Variants in NLRP13 observed in about 807,000 individuals in gnomAD.
NLRP13 encodes the protein NACHT, LRR and PYD domains-containing protein 13.
Under a neutral mutation model 94.4 loss-of-function variants are expected in NLRP13, and 82 were observed. The ratio of observed to expected loss-of-function variants is 0.87; its 90% CI spans 0.73 to 1.04. The LOEUF (loss-of-function observed/expected upper bound fraction) is 1.04, where lower values mean the gene tolerates loss of function less well. Among genes scored for constraint, NLRP13 ranks in the 50% least tolerant of loss-of-function variants. The pLI is 0.00. For missense variants in NLRP13, 1,426 were observed against 1,230.8 expected (o/e 1.16, Z -2.37); for synonymous variants, 553 against 464.7 (o/e 1.19, Z -2.45).
intron 7 of NLRP13, 78 bp from the exon 8 acceptor site, chr19:55,905,190 C>T (rs1568690074): frequency 7.0e-7 from 1 of 1,429,264 alleles, no homozygotes; most frequent in Non-Finnish European, 9.7e-7. Context: ...AACCCCTTAA[C>T]CCCCGAGACC....
chr19:55,917,903 G>A (rs118021988), intron 4 of NLRP13, among the ~76,000 whole-genome samples: 1,842 of 152,078 alleles, frequency 0.012, 14 homozygotes, highest in Non-Finnish European at 0.019. Flanking sequence ...TTGGACTTTA[G>A]ACCAAATGAA....
At chr19:55,898,202 TTTTGTTTTTG>T (rs1181211945) in intron 10 of NLRP13, among the ~76,000 whole-genome samples, 7 of 44,092 alleles carry the variant, frequency 1.6e-4, no homozygotes, top group Admixed American at 3.7e-4. Context: ...GAGTTTTTGT[TTTTGTTTTTG>T]TTTTTTTTTT....
intron 10 of NLRP13, 28 bp from the exon 11 acceptor site, chr19:55,896,147 C>A (rs1986002668): frequency 1.2e-6 from 2 of 1,609,342 alleles, no homozygotes; most frequent in East Asian, 2.2e-5. Flanking sequence ...GAAAGCACAA[C>A]AGATAGTCCT....
At chr19:55,905,176 T>C (rs1986300699) in intron 7 of NLRP13, 64 bp from the exon 8 acceptor site, 1 of 1,562,194 alleles carries the variant, frequency 6.4e-7, no homozygotes, top group Admixed American at 1.7e-5. Context: ...TACCTTTCTC[T>C]CTCAACCCCT....
At chr19:55,928,336 A>G (rs1331802944) in intron 1 of NLRP13, among the ~76,000 whole-genome samples, 2 of 152,208 alleles carry the variant, frequency 1.3e-5, no homozygotes, top group South Asian at 2.1e-4. Context: ...ATGACGCATC[A>G]CTTGCCTGTA....
rs1986562095 is a variant in NLRP13 at position 55,912,797 on chromosome 19, T to C, written c.1020A>G (p.Pro340=). The C allele has an allele frequency of 6.2e-7, 1 of 1,614,144 alleles. No homozygotes were observed. The highest frequency in any genetic ancestry group is 2.2e-5 in the East Asian group (1 of 44,870). Residue 340 remains proline (P), a synonymous_variant, in exon 5 of 11, where the codon CCA becomes CCG. Transcript: ENST00000342929. ...ACAAGCTGTGTAGGATTTTGGTCAC[T>C]GGGAGCTCCTGGTACCAGTCTGTAC... The part of the protein sequence containing the change: ...SPCTDWYQEL[P]VTKILHSLLK...
chr19:55,927,114 T>C (rs1028987374), intron 1 of NLRP13, among the ~76,000 whole-genome samples: 19 of 152,066 alleles, frequency 1.2e-4, no homozygotes, highest in African/African-American at 4.6e-4. Context: ...CTCACACCTG[T>C]ACTCCTAGCA....
intron 6 of NLRP13, among the ~76,000 whole-genome samples, chr19:55,908,696 C>A (rs1224194489): frequency 6.6e-6 from 1 of 152,198 alleles, no homozygotes; most frequent in Non-Finnish European, 1.5e-5. Flanking sequence ...ACCACATGTC[C>A]TCACTTATAA....
chr19:55,915,001 C>A (rs1254079002), intron 4 of NLRP13, among the ~76,000 whole-genome samples: 1 of 152,038 alleles, frequency 6.6e-6, no homozygotes, highest in Non-Finnish European at 1.5e-5. Flanking sequence ...AAGTAAAACT[C>A]AGAAGAAGAG....
At position 55,917,999 on chromosome 19, in the gene NLRP13, C is replaced by T. The variant is rs1349382240; in HGVS notation, c.524-4706G>A. Among the ~76,000 whole-genome samples the T allele has an allele frequency of 5.3e-5, 8 of 151,848 alleles. No homozygotes were observed. In the South Asian group the frequency reaches 8.3e-4, roughly 16 times the overall value. ...GCATGGAACATTCCTTGAAATAGACCGTATGTTAGGCTACAAAACAAGGCT... is the reference window on the plus strand; with the variant it reads ...GCATGGAACATTCCTTGAAATAGACTGTATGTTAGGCTACAAAACAAGGCT... On this transcript the variant is annotated intron_variant, in intron 4 of 10. Transcript: ENST00000342929.
chr19:55,926,633 C>T (rs140430464), intron 1 of NLRP13, among the ~76,000 whole-genome samples: 8 of 152,222 alleles, frequency 5.3e-5, no homozygotes, highest in South Asian at 4.1e-4. Flanking sequence ...AGGGAAGCAC[C>T]GGTGATTTAC....
In NLRP13 at chr19:55,902,066, C is replaced by A. The variant is rs1432544439; in HGVS notation, c.2758G>T (p.Gly920Cys). The change falls in exon 9 of 11, where the codon GGT becomes TGT. Residue 920 changes from glycine to cysteine, a missense_variant. By Grantham distance (159) the Gly-to-Cys change is radical. Coordinates refer to ENST00000342929, the MANE Select transcript of NLRP13 (RefSeq NM_176810.2). ...EGVKFLCEAL[G>C]RPDGNLQSLN... The stretch of plus-strand genomic sequence containing the variant: ...CTCTGCAGGTTACCATCTGGGCGAC[C>A]CAAGGCCTCACACAGGAACTTGACT... The A allele has an allele frequency of 6.2e-7, 1 of 1,614,014 alleles. No individual in the cohort carries two copies. Among genetic ancestry groups the A allele is most frequent in the Admixed American group, 1.7e-5 (1 of 60,002 alleles).
chr19:55,912,962 A>T lies in NLRP13; in HGVS notation c.855T>A (p.Ile285=), dbSNP rs1986568130. Residue 285 remains isoleucine, a synonymous_variant, in exon 5 of 11, where the codon ATT becomes ATA. Transcript: ENST00000342929. The stretch of plus-strand genomic sequence containing the variant: ...CATCAAAATCGGGCCAATCCAAAGA[A>T]ATCAATTCAGCAAAGGTAGTTTCCT... ...YMKETTFAEL[I]SLDWPDFDAP... 9 of 1,614,130 alleles carry T rather than the reference A, an allele frequency of 5.6e-6. No individual in the cohort carries two copies. Among genetic ancestry groups the T allele is most frequent in the Non-Finnish European group, 7.6e-6 (9 of 1,179,950 alleles).
At chr19:55,931,965 TC>T (rs749604709) in intron 1 of NLRP13, 27 bp downstream of exon 1, 4 of 1,607,638 alleles carry the variant, frequency 2.5e-6, no homozygotes, top group Middle Eastern at 2.2e-4. Flanking sequence ...CAAGCAGCCC[TC>T]CCGCCTTCCT....
intron 4 of NLRP13, among the ~76,000 whole-genome samples, chr19:55,915,810 C>G (rs892119150): frequency 5.9e-5 from 9 of 152,086 alleles, no homozygotes; most frequent in African/African-American, 2.2e-4. Context: ...GGAGCCCAAG[C>G]TCCTATGCAT....
chr19:55,909,793 C>T (rs1320460562), intron 6 of NLRP13, among the ~76,000 whole-genome samples: 1 of 152,162 alleles, frequency 6.6e-6, no homozygotes, highest in African/African-American at 2.4e-5. Flanking sequence ...ATACTAAGTA[C>T]ATTCTCCTCA....
Position 55,913,310 on chromosome 19 carries a change from G to A in NLRP13, c.524-17C>T, listed in dbSNP as rs370950564. 2 of 1,601,736 alleles carry A rather than the reference G, an allele frequency of 1.2e-6. No homozygotes were observed. The highest frequency in any genetic ancestry group is 2.7e-5 in the African/African-American group (2 of 74,258). ...TTCTGTGGTCTAGAGAGGGCGGAGTGGGGAGAAGAATGGTAAGAATAAATT... is the reference window on the plus strand; with the variant it reads ...TTCTGTGGTCTAGAGAGGGCGGAGTAGGGAGAAGAATGGTAAGAATAAATT... On this transcript the variant is annotated splice_polypyrimidine_tract_variant and intron_variant, in intron 4 of 10. Transcript: ENST00000342929.
chr19:55,930,898 A>ATATATATACATATATATATACATACAC, intron 1 of NLRP13, among the ~76,000 whole-genome samples: 35 of 104,798 alleles, frequency 3.3e-4, no homozygotes, highest in East Asian at 2.0e-3. Context: ...ATATATATAT[A>ATATATATACATATATATATACATACAC]AAATTTTAAC....
downstream of NLRP13, chr19:55,895,875 C>T: frequency 1.3e-6 from 2 of 1,518,774 alleles, no homozygotes; most frequent in Non-Finnish European, 8.9e-7. Flanking sequence ...AAACCTGACA[C>T]ATGCTCTAGA....
Sources: allele counts gnomAD v4.1 joint callset (sites outside exome capture counted in the v4.1 genomes callset), GRCh38; gene constraint gnomAD v4.1.1; transcripts MANE v1.5; gene names NCBI Gene and HGNC (gene_info 2026-07-23, HGNC 2026-07-21).